The following PACSIN2 variants were observed in gnomAD, a reference collection of about 807,000 sequenced individuals.
PACSIN2 encodes the protein protein kinase C and casein kinase substrate in neurons protein 2.
A neutral mutation model predicts 63.8 loss-of-function variants in PACSIN2; 25 were observed. That is an observed-to-expected ratio of 0.39 (90% CI 0.29 to 0.55). The LOEUF (loss-of-function observed/expected upper bound fraction) is 0.55, where lower values mean the gene tolerates loss of function less well. PACSIN2 is among the 20% of genes least tolerant of loss of function. The probability of loss-of-function intolerance (pLI) is 0.62; values close to 1 mark genes in which losing one functional copy is unlikely to be tolerated. For missense variants in PACSIN2, 518 were observed against 646.9 expected (o/e 0.80, Z 2.16); for synonymous variants, 255 against 256.2 (o/e 1.00, Z 0.05).
At chr22:42,977,577 T>G (rs1209226289) in intron 1 of PACSIN2, among the ~76,000 whole-genome samples, 1 of 152,164 alleles carries the variant, frequency 6.6e-6, no homozygotes, top group Non-Finnish European at 1.5e-5. Flanking sequence ...CTAGCACTGG[T>G]GGAAATGCCC....
At chr22:42,929,418 T>C (rs73417250) in intron 1 of PACSIN2, among the ~76,000 whole-genome samples, 4,926 of 152,290 alleles carry the variant, frequency 0.032, 247 homozygotes, top group African/African-American at 0.11. Context: ...GGACTTCTCA[T>C]TGAAGATGCT....
rs116270722 is a variant in PACSIN2, at chr22:42,913,064, C to T, written c.-77-907G>A. Among the ~76,000 whole-genome samples the T allele has an allele frequency of 4.9e-3, 741 of 152,280 alleles. 1 individual carries two copies. The highest frequency in any genetic ancestry group is 0.016 in the African/African-American group (647 of 41,552). On this transcript the variant is annotated intron_variant, in intron 1 of 10. Coordinates refer to ENST00000263246, the MANE Select transcript of PACSIN2 (RefSeq NM_001184970.3). ...TCTGTGACACAGCCTGGAATTGGAG[C>T]AAGAAACACAGACTCCAGAGTCAGA... is the stretch of plus-strand genomic sequence containing the variant.
At chr22:42,875,903 G>A (rs1928577288) in intron 10 of PACSIN2, among the ~76,000 whole-genome samples, 1 of 152,062 alleles carries the variant, frequency 6.6e-6, no homozygotes, top group East Asian at 1.9e-4. Context: ...ATACTCCTGG[G>A]CTCAAGCGAT....
At chr22:42,933,506 G>A (rs947901298) in intron 1 of PACSIN2, among the ~76,000 whole-genome samples, 10 of 152,184 alleles carry the variant, frequency 6.6e-5, no homozygotes, top group Non-Finnish European at 1.5e-4. Flanking sequence ...TGTTTGAGGG[G>A]ACCAAAGAAC....
At chr22:42,988,479 T>C (rs1922788433) in intron 1 of PACSIN2, among the ~76,000 whole-genome samples, 1 of 152,176 alleles carries the variant, frequency 6.6e-6, no homozygotes, top group Non-Finnish European at 1.5e-5. Flanking sequence ...AAAAATACAT[T>C]ATGCAATGAA....
At chr22:42,888,001 C>T (rs1929618719) in intron 5 of PACSIN2, among the ~76,000 whole-genome samples, 1 of 152,068 alleles carries the variant, frequency 6.6e-6, no homozygotes, top group Non-Finnish European at 1.5e-5. Context: ...CTCCCTCCCA[C>T]CTGGCTCCCC....
chr22:42,996,531 C>CAA (rs140591355), intron 1 of PACSIN2, among the ~76,000 whole-genome samples: 34 of 106,330 alleles, frequency 3.2e-4, no homozygotes, highest in African/African-American at 4.4e-4. Context: ...GACTCTGCCG[C>CAA]AAAAAAAAAA....
At chr22:42,971,000 C>T (rs1207428668) in intron 1 of PACSIN2, among the ~76,000 whole-genome samples, 1 of 152,250 alleles carries the variant, frequency 6.6e-6, no homozygotes, top group East Asian at 1.9e-4. Flanking sequence ...TGCACCACCT[C>T]TCACCACTCA....
At position 42,882,250 on chromosome 22, in the gene PACSIN2, C is replaced by G; in HGVS notation, c.840G>C (p.Val280=). The part of the protein sequence containing the change: ...LEQSIRAADA[V]EDLRWFRANH... ...TGGCTCGGAACCACCTCAGGTCCTC[C>G]ACTGCATCAGCTGCTCTGATGCTCT... Residue 280 remains valine (V), a synonymous_variant, in exon 7 of 11, where the codon GTG becomes GTC. Transcript: ENST00000263246. The G allele has an allele frequency of 6.2e-7, 1 of 1,614,038 alleles. No individual in the cohort carries two copies. Among genetic ancestry groups the G allele is most frequent in the Non-Finnish European group, 8.5e-7 (1 of 1,179,922 alleles).
chr22:42,881,486 C>T (rs547570468), intron 7 of PACSIN2, among the ~76,000 whole-genome samples: 5 of 152,334 alleles, frequency 3.3e-5, no homozygotes, highest in South Asian at 4.1e-4. Context: ...CAGAGGTAGT[C>T]GCCCTCAGCA....
intron 1 of PACSIN2, among the ~76,000 whole-genome samples, chr22:42,943,031 G>A (rs1414891776): frequency 6.6e-6 from 1 of 152,118 alleles, no homozygotes. Context: ...ATGGATGTAG[G>A]ATCTCTTTCC....
At chr22:42,988,977 T>A (rs1922819878) in intron 1 of PACSIN2, among the ~76,000 whole-genome samples, 1 of 152,004 alleles carries the variant, frequency 6.6e-6, no homozygotes, top group South Asian at 2.1e-4. Flanking sequence ...CTTCCTAGGC[T>A]CAAGCAACTC....
intron 1 of PACSIN2, among the ~76,000 whole-genome samples, chr22:42,991,180 T>A (rs569172031): frequency 1.3e-5 from 2 of 152,198 alleles, no homozygotes; most frequent in Non-Finnish European, 2.9e-5. Flanking sequence ...TACAATGGTA[T>A]AGACTTGGAG....
rs1171748067 is a variant in PACSIN2, at chr22:42,871,465, A to T, written c.1353T>A (p.Asp451Glu). 1 of 1,608,704 alleles carries T rather than the reference A, an allele frequency of 6.2e-7. No homozygotes were observed. The highest frequency in any genetic ancestry group is 8.5e-7 in the Non-Finnish European group (1 of 1,175,144). ...CCTCGTCCTCCATCTTGGTCAGCTCATCCCCTGCAAGACAAAGAGGGAGCC... is the reference window on the plus strand; with the variant it reads ...CCTCGTCCTCCATCTTGGTCAGCTCTTCCCCTGCAAGACAAAGAGGGAGCC... ...EHDELSFKAG[D>E]ELTKMEDEDE... Residue 451 changes from aspartate (D) to glutamate (E), a missense_variant, in exon 11 of 11, where the codon GAT becomes GAA. Asp to Glu is a conservative substitution (Grantham distance 45). Around this residue, in one of 2 missense-constraint regions of PACSIN2, gnomAD observed 507 missense variants for 612.3 expected, o/e 0.83. Transcript: ENST00000263246. The surrounding 1 kb of genome is among the most constrained non-coding windows in gnomAD (Gnocchi z 5.4).
intron 8 of PACSIN2, 85 bp from the exon 9 acceptor site, chr22:42,877,095 G>A: frequency 1.4e-6 from 2 of 1,470,204 alleles, no homozygotes; most frequent in Non-Finnish European, 1.9e-6. Context: ...AGGATCTCAA[G>A]AGACAAATCA....
intron 1 of PACSIN2, among the ~76,000 whole-genome samples, chr22:42,926,011 G>A (rs530846486): frequency 4.6e-4 from 70 of 152,346 alleles, no homozygotes; most frequent in African/African-American, 1.7e-3. Context: ...CGCTCAGGAA[G>A]TAAGGCCCAC....
At chr22:42,891,669 G>A (rs1185343253) in intron 3 of PACSIN2, among the ~76,000 whole-genome samples, 1 of 152,170 alleles carries the variant, frequency 6.6e-6, no homozygotes, top group Non-Finnish European at 1.5e-5. Context: ...GCCTCCCAAA[G>A]TGCAGGGATT....
intron 1 of PACSIN2, among the ~76,000 whole-genome samples, chr22:42,991,794 C>CA (rs1923059661): frequency 7.8e-6 from 1 of 128,084 alleles, no homozygotes; most frequent in African/African-American, 3.0e-5. Context: ...GGTACTGAAA[C>CA]AACTGGCTAT....
At chr22:42,949,061 G>A (rs1213758769) in intron 1 of PACSIN2, among the ~76,000 whole-genome samples, 2 of 152,182 alleles carry the variant, frequency 1.3e-5, no homozygotes, top group African/African-American at 4.8e-5. Flanking sequence ...GGGAGGTGGA[G>A]GTGGAAGGAT....
Sources: gnomAD v4.1 joint callset for allele counts (sites outside exome capture counted in the v4.1 genomes callset) on GRCh38, gnomAD v4.1.1 for gene constraint, gnomAD v4.1.1 regional missense constraint, Gnocchi (gnomAD v3.1) non-coding constraint, MANE v1.5 for transcripts, NCBI Gene and HGNC (gene_info 2026-07-23, HGNC 2026-07-21) for gene names.